TSPEAR: variants seen among roughly 807,000 people sequenced by gnomAD.
TSPEAR encodes thrombospondin-type laminin G domain and EAR repeat-containing protein.
Under a neutral mutation model 71.6 loss-of-function variants are expected in TSPEAR, and 69 were observed. That is an observed-to-expected ratio of 0.96 (90% CI 0.79 to 1.18). The LOEUF (loss-of-function observed/expected upper bound fraction) is 1.18. Among genes scored for constraint, TSPEAR ranks in the 50% most tolerant of loss-of-function variants. The probability of loss-of-function intolerance (pLI) is 0.00; values close to 1 mark genes in which losing one functional copy is unlikely to be tolerated. For missense variants in TSPEAR, 971 were observed against 894.9 expected (o/e 1.09, Z -1.09); for synonymous variants, 402 against 387.2 (o/e 1.04, Z -0.45).
chr21:44,646,406 A>C, intron 1 of TSPEAR: 3 of 1,564,200 alleles, frequency 1.9e-6, no homozygotes, highest in Non-Finnish European at 2.6e-6. Flanking sequence ...ACTCACACAC[A>C]CACTCACACA....
chr21:44,592,735 G>T lies in TSPEAR; in HGVS notation c.83-24730C>A, dbSNP rs587680594. Among the ~76,000 whole-genome samples the T allele has an allele frequency of 2.6e-5, 4 of 152,264 alleles. No homozygotes were observed. The East Asian group carries it at 7.7e-4, about 29-fold the overall frequency. On this transcript the variant is annotated intron_variant, in intron 1 of 11. Transcript: ENST00000323084. ...GGCGGCAGGAATTGGGCGGGGCCTGGTCCCAGCTGGGTTCGGGGAGCTGGG... is the reference window on the plus strand; with the variant it reads ...GGCGGCAGGAATTGGGCGGGGCCTGTTCCCAGCTGGGTTCGGGGAGCTGGG...
At chr21:44,635,727 G>T (rs1297286178) in intron 1 of TSPEAR, among the ~76,000 whole-genome samples, 4 of 152,140 alleles carry the variant, frequency 2.6e-5, no homozygotes, top group Non-Finnish European at 5.9e-5. Flanking sequence ...TAGGTAGTGG[G>T]GATGGTTGCA....
rs1273167208 is a variant in TSPEAR, at chr21:44,711,292, G to C, written c.82+141C>G. The C allele has an allele frequency of 7.7e-5, 55 of 717,306 alleles. No homozygotes were observed. The highest frequency in any genetic ancestry group is 1.2e-5 in the Non-Finnish European group (5 of 424,778). The allele number at this position is 717,306 out of a possible 1,614,324, so 44.4% of individuals were successfully genotyped here. On this transcript the variant is annotated intron_variant, in intron 1 of 11. Coordinates refer to ENST00000323084, the MANE Select transcript of TSPEAR (RefSeq NM_144991.3). This position sits in a 1 kb window ranked among gnomAD's most constrained non-coding sequence, Gnocchi z 4.5. ...CCTCCCGCCTCTGCCCATCTCCACA[G>C]GGTGCTACCTGCCAGTCCTGCCAAA...
intron 1 of TSPEAR, chr21:44,654,691 C>A: frequency 9.7e-7 from 1 of 1,031,280 alleles, no homozygotes; most frequent in Non-Finnish European, 1.4e-6. Flanking sequence ...CCTTTATACC[C>A]AGGCTACCGG....
intron 1 of TSPEAR, among the ~76,000 whole-genome samples, chr21:44,708,045 A>ACACACC (rs1491262348): frequency 2.5e-5 from 3 of 121,208 alleles, no homozygotes; most frequent in Admixed American, 9.3e-5. Context: ...ACACACACAC[A>ACACACC]CCACACAGCA....
At chr21:44,676,361 T>C in intron 1 of TSPEAR, 1 of 1,135,190 alleles carries the variant, frequency 8.8e-7, no homozygotes, top group Non-Finnish European at 1.3e-6. Context: ...TCAACTGCAC[T>C]ACCCAGTGGG....
intron 1 of TSPEAR, among the ~76,000 whole-genome samples, chr21:44,597,179 TTTTTA>T (rs1410916451): frequency 2.6e-5 from 4 of 152,080 alleles, no homozygotes; most frequent in Non-Finnish European, 5.9e-5. Context: ...AAAAAACAGT[TTTTTA>T]TTTTAATTTT....
chr21:44,551,949 G>A (rs2053448819), intron 2 of TSPEAR, among the ~76,000 whole-genome samples: 1 of 152,236 alleles, frequency 6.6e-6, no homozygotes, highest in South Asian at 2.1e-4. Flanking sequence ...AAAGACGCTT[G>A]AGGACAGCGC....
At chr21:44,601,777 A>C (rs1555928920) in intron 1 of TSPEAR, 2 of 1,577,102 alleles carry the variant, frequency 1.3e-6, no homozygotes, top group Admixed American at 3.5e-5. Flanking sequence ...GCTCACTGCC[A>C]CCTGCACCCC....
intron 2 of TSPEAR, among the ~76,000 whole-genome samples, chr21:44,544,041 GCCC>G (rs1167174678): frequency 1.3e-5 from 2 of 152,218 alleles, no homozygotes; most frequent in African/African-American, 4.8e-5. Flanking sequence ...TATCAGCAAA[GCCC>G]CACATTCTTT....
intron 8 of TSPEAR, among the ~76,000 whole-genome samples, chr21:44,522,701 G>T (rs1159841324): frequency 6.6e-6 from 1 of 152,246 alleles, no homozygotes; most frequent in Non-Finnish European, 1.5e-5. Flanking sequence ...CAGGTGTCCC[G>T]GTACCTTCCA....
At chr21:44,637,984 C>G (rs149080473) in intron 1 of TSPEAR, 7 of 1,613,834 alleles carry the variant, frequency 4.3e-6, no homozygotes, top group Admixed American at 1.7e-5. Context: ...CCTCCTCCTC[C>G]GTGTCCCTCC....
intron 1 of TSPEAR, among the ~76,000 whole-genome samples, chr21:44,605,237 G>T (rs1981231611): frequency 6.6e-6 from 1 of 152,118 alleles, no homozygotes; most frequent in Admixed American, 6.5e-5. Flanking sequence ...AGTTTAGAAA[G>T]ATATTTAACC....
chr21:44,550,660 T>C (rs1328395124), intron 2 of TSPEAR: 1 of 1,608,226 alleles, frequency 6.2e-7, no homozygotes, highest in Non-Finnish European at 8.5e-7. Flanking sequence ...AGGTGGGGCC[T>C]GAGCCCGGCT....
chr21:44,499,794 T>C lies in TSPEAR; in HGVS notation c.1999A>G (p.Arg667Gly). 6.4e-7 allele frequency: 1 copy of C among 1,569,460 alleles called. No individual in the cohort carries two copies. Among genetic ancestry groups the C allele is most frequent in the Non-Finnish European group, 8.6e-7 (1 of 1,158,680 alleles). ...GGGCAGCCGCGGCCTCAGCGTGTCC[T>C]CAGCCGCAGGACCCTGGAGAGGGGC... ...KEPLSRVLRL[R>G]TR The change falls in exon 12 of 12, where the codon AGG becomes GGG. Residue 667 changes from arginine to glycine, a missense_variant. By Grantham distance (125) the Arg-to-Gly change is moderately radical. Coordinates refer to ENST00000323084, the MANE Select transcript of TSPEAR (RefSeq NM_144991.3).
rs1175707344 is a variant in TSPEAR, at chr21:44,623,034, C to T, written c.83-55029G>A. 6.6e-6 allele frequency among the ~76,000 whole-genome samples: 1 copy of T among 152,204 alleles called. No individual in the cohort carries two copies. Among genetic ancestry groups the T allele is most frequent in the African/African-American group, 2.4e-5 (1 of 41,448 alleles). On this transcript the variant is annotated intron_variant, in intron 1 of 11. Coordinates refer to ENST00000323084, the MANE Select transcript of TSPEAR (RefSeq NM_144991.3). This position sits in a 1 kb window ranked among gnomAD's most constrained non-coding sequence, Gnocchi z 4.5. The stretch of plus-strand genomic sequence containing the variant: ...ATGCCCACTCCCCCTTCACCTTCCA[C>T]CATGAGCAAAGCCCCCTGAGGCCTC...
At chr21:44,709,171 A>G (rs1555953106) in intron 1 of TSPEAR, among the ~76,000 whole-genome samples, 1 of 148,170 alleles carries the variant, frequency 6.7e-6, no homozygotes, top group Admixed American at 6.7e-5. Flanking sequence ...CTCCCACGGG[A>G]TCTCCTGCCT....
intron 11 of TSPEAR, among the ~76,000 whole-genome samples, chr21:44,501,948 CTGGATAA>C (rs2052040207): frequency 6.6e-6 from 1 of 152,190 alleles, no homozygotes; most frequent in Admixed American, 6.5e-5. Context: ...TCATTTTAAA[CTGGATAA>C]AGTTAAGTCC....
chr21:44,686,843 T>C (rs1986882892), intron 1 of TSPEAR, among the ~76,000 whole-genome samples: 1 of 152,156 alleles, frequency 6.6e-6, no homozygotes, highest in East Asian at 1.9e-4. Context: ...TAATAGTGGG[T>C]CTTTTTAAAA....
Sources: allele counts gnomAD v4.1 joint callset (sites outside exome capture counted in the v4.1 genomes callset), GRCh38; gene constraint gnomAD v4.1.1; non-coding constraint Gnocchi (gnomAD v3.1); transcripts MANE v1.5; gene names NCBI Gene and HGNC (gene_info 2026-07-23, HGNC 2026-07-21).